Variants in BAZ2B observed in about 807,000 individuals in gnomAD.
BAZ2B encodes the protein bromodomain adjacent to zinc finger domain 2B.
Under a neutral mutation model 246.0 loss-of-function variants are expected in BAZ2B, and 91 were observed. The ratio of observed to expected loss-of-function variants is 0.37; its 90% CI spans 0.31 to 0.44. The LOEUF is 0.44. Among genes scored for constraint, BAZ2B ranks in the 20% least tolerant of loss-of-function variants. BAZ2B has a pLI of 1.00. For missense variants in BAZ2B, 2,332 were observed against 2,533.7 expected, an observed-to-expected ratio of 0.92 and a Z score of 1.71; for synonymous variants, 855 against 860.0, an observed-to-expected ratio of 0.99 and a Z score of 0.10.
intron 13 of BAZ2B, among the ~76,000 whole-genome samples, chr2:159,417,163 GTTTTTTTT>G (rs748518181): frequency 7.0e-6 from 1 of 141,850 alleles, no homozygotes; most frequent in Non-Finnish European, 1.5e-5. Flanking sequence ...AAAAGATTAG[GTTTTTTTT>G]TTTGTTTTTT....
At chr2:159,705,451 A>T in the BAZ2B span, among the ~76,000 whole-genome samples, 24 of 152,224 alleles carry the variant, frequency 1.6e-4, no homozygotes, top group Non-Finnish European at 2.5e-4. Context: ...ATAGTTCTGA[A>T]TAGTTTAGTT....
chr2:159,662,618 G>A, the BAZ2B span, among the ~76,000 whole-genome samples: 2 of 152,018 alleles, frequency 1.3e-5, no homozygotes, highest in African/African-American at 4.8e-5. Context: ...TCTGCTTCCC[G>A]GGCTCAAGTG....
At chr2:159,625,341 T>A in the BAZ2B span, among the ~76,000 whole-genome samples, 1 of 151,732 alleles carries the variant, frequency 6.6e-6, no homozygotes, top group East Asian at 1.9e-4. Flanking sequence ...ACAAAGATAC[T>A]CCTCAAGAAG....
chr2:159,412,622 A>T (rs905646298), intron 13 of BAZ2B, 77 bp from the exon 14 acceptor site: 11 of 1,387,858 alleles, frequency 7.9e-6, no homozygotes, highest in Middle Eastern at 2.2e-4. Flanking sequence ...AGAAAATTCT[A>T]GCTAAAAATC....
At chr2:159,658,977 T>C in the BAZ2B span, among the ~76,000 whole-genome samples, 4 of 152,186 alleles carry the variant, frequency 2.6e-5, no homozygotes, top group Admixed American at 2.0e-4. Flanking sequence ...TTTGCACCTA[T>C]ACTCATGAGA....
At chr2:159,665,853 G>A in the BAZ2B span, among the ~76,000 whole-genome samples, 4 of 151,776 alleles carry the variant, frequency 2.6e-5, no homozygotes, top group African/African-American at 7.3e-5. Flanking sequence ...GCAAATTCTA[G>A]TTGGTGCACA....
intron 1 of BAZ2B, among the ~76,000 whole-genome samples, chr2:159,600,210 C>A (rs1691814561): frequency 1.3e-5 from 2 of 152,088 alleles, no homozygotes; most frequent in Admixed American, 1.3e-4. Flanking sequence ...TATTTTTGCA[C>A]ACCTATGTAA....
chr2:159,318,982 G>A lies in BAZ2B; in HGVS notation c.*1283C>T, dbSNP rs2062399797. 6.6e-6 allele frequency: 1 copy of A among 152,526 alleles called. No homozygotes were observed. The highest frequency in any genetic ancestry group is 1.9e-4 in the East Asian group (1 of 5,204). 9.4% of individuals were successfully genotyped at this position (152,526 alleles called of 1,614,324 possible). ...TACATTAAGAAAAACTAAAAAATTAGTTTGTAAAAGTCTTTTATTGTATCC... is the reference window on the plus strand; with the variant it reads ...TACATTAAGAAAAACTAAAAAATTAATTTGTAAAAGTCTTTTATTGTATCC... On this transcript the variant is annotated 3_prime_UTR_variant, in exon 37 of 37. Coordinates refer to ENST00000392783, the MANE Select transcript of BAZ2B (RefSeq NM_013450.4).
At chr2:159,397,285 A>G in intron 19 of BAZ2B, 60 bp downstream of exon 19, 1 of 1,347,078 alleles carries the variant, frequency 7.4e-7, no homozygotes. Context: ...TCCCCCAAAT[A>G]GGTTTAAGCA....
rs570802156 is a variant in BAZ2B at position 159,404,174 on chromosome 2, C to G, written c.2832+675G>C. On this transcript the variant is annotated intron_variant, in intron 16 of 36. Transcript: ENST00000392783. Reference sequence around the variant, plus strand: ...CATTTCCTTTCTGCTTTAATGTTACCATGAATATGAGGAGATGGGAGAGTA... The same window carrying G: ...CATTTCCTTTCTGCTTTAATGTTACGATGAATATGAGGAGATGGGAGAGTA... Among the ~76,000 whole-genome samples, 8 of 152,180 alleles carry G rather than the reference C, an allele frequency of 5.3e-5. No individual in the cohort carries two copies. In the South Asian group the frequency reaches 1.0e-3, roughly 20 times the overall value.
chr2:159,515,027 A>G (rs1360854246), intron 2 of BAZ2B, among the ~76,000 whole-genome samples: 2 of 152,036 alleles, frequency 1.3e-5, no homozygotes, highest in Non-Finnish European at 1.5e-5. Flanking sequence ...CTTTCAACAA[A>G]AGAAGGAGTC....
chr2:159,590,717 TGTGC>T (rs1689203834), intron 1 of BAZ2B, among the ~76,000 whole-genome samples: 3 of 152,124 alleles, frequency 2.0e-5, no homozygotes, highest in African/African-American at 7.2e-5. Context: ...TCCAAAAAGG[TGTGC>T]TAGTCCCTAA....
At chr2:159,332,106 A>G (rs1455314324) in intron 34 of BAZ2B, among the ~76,000 whole-genome samples, 2 of 152,198 alleles carry the variant, frequency 1.3e-5, no homozygotes, top group Non-Finnish European at 2.9e-5. Flanking sequence ...GAGATTAAAC[A>G]TGGGAGAAAG....
intron 2 of BAZ2B, among the ~76,000 whole-genome samples, chr2:159,550,735 C>A (rs2151438100): frequency 6.6e-6 from 1 of 152,144 alleles, no homozygotes; most frequent in East Asian, 1.9e-4. Flanking sequence ...AGTTATACAG[C>A]AATTCCTTCT....
At chr2:159,702,324 C>T in the BAZ2B span, among the ~76,000 whole-genome samples, 7 of 152,098 alleles carry the variant, frequency 4.6e-5, no homozygotes, top group Non-Finnish European at 7.4e-5. Flanking sequence ...TAAGCACAGA[C>T]AAGAGTAAAC....
the BAZ2B span, among the ~76,000 whole-genome samples, chr2:159,710,354 G>A: frequency 6.3e-4 from 96 of 151,930 alleles, no homozygotes; most frequent in East Asian, 0.013. Context: ...GACTACAGGC[G>A]CCTGCCACCA....
chr2:159,385,466 T>C, intron 22 of BAZ2B, 97 bp from the exon 23 acceptor site: 1 of 1,050,184 alleles, frequency 9.5e-7, no homozygotes, highest in South Asian at 1.7e-5. Flanking sequence ...ATTTAGATAC[T>C]ACTGACAAGA....
intron 1 of BAZ2B, among the ~76,000 whole-genome samples, chr2:159,604,580 A>AT (rs1185946377): frequency 6.6e-6 from 1 of 152,178 alleles, no homozygotes; most frequent in South Asian, 2.1e-4. Context: ...TAAAATTAGT[A>AT]TTTTTTCAAA....
chr2:159,439,239 G>C, intron 6 of BAZ2B, 27 bp from the exon 7 acceptor site: 9 of 1,573,494 alleles, frequency 5.7e-6, no homozygotes, highest in Non-Finnish European at 7.8e-6. Flanking sequence ...TAGTTGGCAA[G>C]ACTTTATTTT....
Sources: gnomAD v4.1 joint callset for allele counts (sites outside exome capture counted in the v4.1 genomes callset) on GRCh38, gnomAD v4.1.1 for gene constraint, MANE v1.5 for transcripts, NCBI Gene and HGNC (gene_info 2026-07-23, HGNC 2026-07-21) for gene names.